The following GRID1 variants were observed in gnomAD, a reference collection of about 807,000 sequenced individuals.
GRID1 encodes glutamate receptor ionotropic, delta-1.
GRID1 carries 28 observed loss-of-function variants against 98.0 expected under a neutral mutation model. The observed-to-expected ratio is 0.29, with a 90% confidence interval of 0.21 to 0.39. The LOEUF (loss-of-function observed/expected upper bound fraction) is 0.39, where lower values mean the gene tolerates loss of function less well. Ranked by LOEUF, GRID1 falls within the 10% of genes least tolerant of loss-of-function variation. GRID1 has a pLI of 1.00. For missense variants in GRID1, 1,111 were observed against 1,340.5 expected, an observed-to-expected ratio of 0.83 and a Z score of 2.67; for synonymous variants, 553 against 538.5, an observed-to-expected ratio of 1.03 and a Z score of -0.37.
intron 3 of GRID1, among the ~76,000 whole-genome samples, chr10:86,204,329 T>C (rs1033505547): frequency 3.3e-5 from 5 of 152,142 alleles, no homozygotes; most frequent in African/African-American, 1.2e-4. Flanking sequence ...TGCAGGGCCA[T>C]GGTGGTGGGA....
At chr10:86,153,001 C>T (rs1564691220) in intron 3 of GRID1, among the ~76,000 whole-genome samples, 1 of 152,172 alleles carries the variant, frequency 6.6e-6, no homozygotes, top group Non-Finnish European at 1.5e-5. Context: ...CAGTGGCAAC[C>T]AGAGCCAGAA....
intron 4 of GRID1, among the ~76,000 whole-genome samples, chr10:86,074,893 G>T (rs1294958288): frequency 6.6e-6 from 1 of 152,204 alleles, no homozygotes; most frequent in East Asian, 1.9e-4. Context: ...AGGGAAGGAG[G>T]AAGTCATTGA....
chr10:86,232,986 T>C (rs1459336312), intron 2 of GRID1, among the ~76,000 whole-genome samples: 1 of 152,184 alleles, frequency 6.6e-6, no homozygotes, highest in African/African-American at 2.4e-5. Flanking sequence ...TTGGCTCTGA[T>C]AAATACCCTC....
At chr10:85,796,111 C>T (rs1302935381) in intron 8 of GRID1, among the ~76,000 whole-genome samples, 3 of 152,054 alleles carry the variant, frequency 2.0e-5, no homozygotes, top group African/African-American at 7.2e-5. Context: ...ATAGCAATGA[C>T]AAGGACAAGG....
chr10:86,056,197 C>A (rs1206620287), intron 4 of GRID1, among the ~76,000 whole-genome samples: 1 of 152,158 alleles, frequency 6.6e-6, no homozygotes, highest in African/African-American at 2.4e-5. Context: ...CCTAAATGTT[C>A]TAGGCACATG....
At chr10:86,341,335 C>G (rs1055593321) in intron 2 of GRID1, among the ~76,000 whole-genome samples, 1 of 152,154 alleles carries the variant, frequency 6.6e-6, no homozygotes, top group African/African-American at 2.4e-5. Flanking sequence ...GCCCACTAAA[C>G]AGTCCCGGAG....
chr10:85,857,961 C>G lies in GRID1; in HGVS notation c.952-1771G>C, dbSNP rs141473460. Reference sequence around the variant, plus strand: ...TCAGAAGTTAGGTGGCGCGAACTCTCCAGCAACTGAAGCTGAAGTCTGAGA... The same window carrying G: ...TCAGAAGTTAGGTGGCGCGAACTCTGCAGCAACTGAAGCTGAAGTCTGAGA... On this transcript the variant is annotated intron_variant, in intron 6 of 15. Transcript: ENST00000327946. Among the ~76,000 whole-genome samples, 1,020 of 152,348 alleles carry G rather than the reference C, an allele frequency of 6.7e-3. 12 individuals carry two copies. The highest frequency in any genetic ancestry group is 0.024 in the African/African-American group (981 of 41,576).
chr10:85,838,100 C>A (rs1233942822), intron 8 of GRID1, among the ~76,000 whole-genome samples: 1 of 151,752 alleles, frequency 6.6e-6, no homozygotes, highest in Non-Finnish European at 1.5e-5. Flanking sequence ...GACAGGCAGA[C>A]AAAAACAGAG....
chr10:86,053,748 G>A (rs1156985166), intron 4 of GRID1, among the ~76,000 whole-genome samples: 1 of 152,188 alleles, frequency 6.6e-6, no homozygotes, highest in Non-Finnish European at 1.5e-5. Flanking sequence ...GAGAGACAGG[G>A]AAAGGGGAAA....
intron 4 of GRID1, among the ~76,000 whole-genome samples, chr10:86,124,181 G>A (rs564790662): frequency 1.8e-4 from 27 of 152,112 alleles, no homozygotes; most frequent in Non-Finnish European, 2.8e-4. Context: ...CTTAACCCTG[G>A]TCCCTTTCCA....
intron 4 of GRID1, among the ~76,000 whole-genome samples, chr10:86,047,140 C>A (rs1025897823): frequency 1.3e-5 from 2 of 152,214 alleles, no homozygotes; most frequent in African/African-American, 4.8e-5. Flanking sequence ...GTCTCACCTT[C>A]AATGACTGAA....
chr10:85,881,935 C>G (rs1841034020), intron 5 of GRID1, among the ~76,000 whole-genome samples: 1 of 152,020 alleles, frequency 6.6e-6, no homozygotes, highest in African/African-American at 2.4e-5. Context: ...AAGAAAAAAA[C>G]AAACAACCCC....
intron 4 of GRID1, among the ~76,000 whole-genome samples, chr10:86,105,925 C>T (rs1383698987): frequency 6.6e-6 from 1 of 152,050 alleles, no homozygotes; most frequent in East Asian, 1.9e-4. Context: ...GCATGGTATG[C>T]AAGGGGGACA....
chr10:86,092,124 A>C (rs1482240991), intron 4 of GRID1, among the ~76,000 whole-genome samples: 6 of 152,212 alleles, frequency 3.9e-5, no homozygotes, highest in Non-Finnish European at 8.8e-5. Flanking sequence ...ATGGATCCAA[A>C]CCAAGAAGAA....
intron 8 of GRID1, among the ~76,000 whole-genome samples, chr10:85,738,931 A>C (rs534275452): frequency 6.6e-6 from 1 of 152,262 alleles, no homozygotes; most frequent in South Asian, 2.1e-4. Flanking sequence ...TGGTGCTTAC[A>C]TTACCATATA....
intron 2 of GRID1, among the ~76,000 whole-genome samples, chr10:86,335,554 C>A (rs1311225189): frequency 6.6e-6 from 1 of 152,216 alleles, no homozygotes; most frequent in Admixed American, 6.5e-5. Context: ...TCAGTAAAAT[C>A]AGTTGTACAG....
intron 4 of GRID1, among the ~76,000 whole-genome samples, chr10:86,035,146 C>T (rs1377024299): frequency 2.6e-5 from 4 of 152,150 alleles, no homozygotes; most frequent in Admixed American, 2.6e-4. Context: ...CTCTCACTAG[C>T]GGCCTTGATT....
chr10:85,631,693 C>G (rs1842976941), intron 13 of GRID1, among the ~76,000 whole-genome samples: 1 of 152,018 alleles, frequency 6.6e-6, no homozygotes, highest in Non-Finnish European at 1.5e-5. Flanking sequence ...AATGATTTGT[C>G]AAAATTTTAA....
chr10:86,308,140 C>T (rs974990357), intron 2 of GRID1, among the ~76,000 whole-genome samples: 1 of 152,166 alleles, frequency 6.6e-6, no homozygotes, highest in Non-Finnish European at 1.5e-5. Context: ...ATTCTGCTCT[C>T]ACTCCCTGCC....
Sources: gnomAD v4.1 joint callset for allele counts (sites outside exome capture counted in the v4.1 genomes callset) on GRCh38, gnomAD v4.1.1 for gene constraint, MANE v1.5 for transcripts, NCBI Gene and HGNC (gene_info 2026-07-23, HGNC 2026-07-21) for gene names.